LRRIQ3: variants seen among roughly 807,000 people sequenced by gnomAD.
The protein encoded by LRRIQ3 is leucine rich repeats and IQ motif containing 3.
In LRRIQ3, 75 loss-of-function variants were observed where a neutral mutation model predicts 59.3. That is an observed-to-expected ratio of 1.26 (90% confidence interval 1.05 to 1.53). LRRIQ3 has a LOEUF of 1.53. LRRIQ3 is among the 40% of genes most tolerant of loss of function. The probability of loss-of-function intolerance (pLI) is 0.00; values close to 1 mark genes in which losing one functional copy is unlikely to be tolerated. For synonymous variants in LRRIQ3, 250 were observed against 231.3 expected, an observed-to-expected ratio of 1.08 and a Z score of -0.73; for missense variants, 831 against 710.0, an observed-to-expected ratio of 1.17 and a Z score of -1.94.
intron 3 of LRRIQ3, among the ~76,000 whole-genome samples, chr1:74,165,836 C>A (rs1213926877): frequency 6.6e-6 from 1 of 151,410 alleles, no homozygotes; most frequent in Non-Finnish European, 1.5e-5. Context: ...GGTATGACAT[C>A]TCTTCTTTAG....
chr1:74,130,780 GA>G (rs1229772955), intron 4 of LRRIQ3, among the ~76,000 whole-genome samples: 1 of 152,028 alleles, frequency 6.6e-6, no homozygotes, highest in Non-Finnish European at 1.5e-5. Context: ...GAGAAAGCAG[GA>G]AAGATCTAAA....
intron 4 of LRRIQ3, among the ~76,000 whole-genome samples, chr1:74,134,399 G>A (rs557745614): frequency 6.6e-6 from 1 of 152,100 alleles, no homozygotes. Flanking sequence ...CTATGGCATA[G>A]CAGACTGAGA....
intron 3 of LRRIQ3, among the ~76,000 whole-genome samples, chr1:74,176,669 G>C (rs1476259455): frequency 6.6e-6 from 1 of 151,922 alleles, no homozygotes; most frequent in Non-Finnish European, 1.5e-5. Context: ...GTTTATGTAG[G>C]GGTTATAGCT....
intron 3 of LRRIQ3, among the ~76,000 whole-genome samples, chr1:74,173,550 T>A (rs961891173): frequency 2.0e-5 from 3 of 152,002 alleles, no homozygotes; most frequent in Non-Finnish European, 2.9e-5. Context: ...GAGGTTTGTA[T>A]CAAACCTCTT....
chr1:74,101,269 G>T lies in LRRIQ3; in HGVS notation c.867+8125C>A, dbSNP rs141194693. ...CAATGGATATGAACAAACACTTCTC[G>T]AAAGAAGACATTTATGCAGCCAATA... On this transcript the variant is annotated intron_variant, in intron 5 of 7. Coordinates refer to ENST00000354431, the MANE Select transcript of LRRIQ3 (RefSeq NM_001105659.2). Among the ~76,000 whole-genome samples the T allele has an allele frequency of 3.9e-3, 585 of 151,946 alleles. 7 individuals carry two copies. Among genetic ancestry groups the T allele is most frequent in the East Asian group, 5.0e-3 (26 of 5,154 alleles).
At chr1:74,159,395 T>G (rs542722187) in intron 3 of LRRIQ3, among the ~76,000 whole-genome samples, 1 of 152,268 alleles carries the variant, frequency 6.6e-6, no homozygotes, top group East Asian at 1.9e-4. Context: ...TAACTGGCAT[T>G]TGATTATCAA....
intron 7 of LRRIQ3, among the ~76,000 whole-genome samples, chr1:74,032,757 A>T (rs1332013798): frequency 6.6e-6 from 1 of 151,978 alleles, no homozygotes; most frequent in Non-Finnish European, 1.5e-5. Context: ...TCATATTCAT[A>T]GTCCTGGGAA....
At chr1:74,146,131 G>A (rs1647552138) in intron 4 of LRRIQ3, among the ~76,000 whole-genome samples, 1 of 152,032 alleles carries the variant, frequency 6.6e-6, no homozygotes, top group South Asian at 2.1e-4. Context: ...AAGTGTAGTA[G>A]GCTATATAAC....
At chr1:74,134,184 T>C (rs1647078632) in intron 4 of LRRIQ3, among the ~76,000 whole-genome samples, 1 of 152,012 alleles carries the variant, frequency 6.6e-6, no homozygotes, top group African/African-American at 2.4e-5. Context: ...ATTGTAAAAC[T>C]GAACAAAATT....
intron 6 of LRRIQ3, among the ~76,000 whole-genome samples, chr1:74,071,643 TTG>T (rs1655031682): frequency 6.6e-6 from 1 of 152,152 alleles, no homozygotes; most frequent in South Asian, 2.1e-4. Flanking sequence ...GATCTTTGAT[TTG>T]TGTCATTCTA....
At chr1:74,090,366 CTA>C (rs1055542140) in intron 5 of LRRIQ3, among the ~76,000 whole-genome samples, 1 of 151,112 alleles carries the variant, frequency 6.6e-6, no homozygotes, top group African/African-American at 2.4e-5. Context: ...GATGAGAAAA[CTA>C]TGAGAGAACT....
At chr1:74,174,196 G>A (rs1340742459) in intron 3 of LRRIQ3, among the ~76,000 whole-genome samples, 2 of 151,820 alleles carry the variant, frequency 1.3e-5, no homozygotes, top group Non-Finnish European at 2.9e-5. Flanking sequence ...GTCCCATAGA[G>A]TTTCTTCACA....
chr1:74,090,351 A>G (rs1646381290), intron 5 of LRRIQ3, among the ~76,000 whole-genome samples: 1 of 151,966 alleles, frequency 6.6e-6, no homozygotes, highest in Admixed American at 6.6e-5. Context: ...CTGAAGTGCT[A>G]GGAAGATGAG....
At chr1:74,177,320 A>C (rs1224460034) in intron 3 of LRRIQ3, among the ~76,000 whole-genome samples, 1 of 152,052 alleles carries the variant, frequency 6.6e-6, no homozygotes, top group Non-Finnish European at 1.5e-5. Flanking sequence ...ATTGGACTCC[A>C]AGTTCTTCAG....
intron 6 of LRRIQ3, among the ~76,000 whole-genome samples, chr1:74,065,965 T>C (rs1334411960): frequency 6.6e-6 from 1 of 152,078 alleles, no homozygotes; most frequent in African/African-American, 2.4e-5. Flanking sequence ...GGTGAGTGAA[T>C]CACCCGAGGT....
At chr1:74,194,422 T>C (rs1275492925) in intron 1 of LRRIQ3, among the ~76,000 whole-genome samples, 1 of 152,200 alleles carries the variant, frequency 6.6e-6, no homozygotes, top group Non-Finnish European at 1.5e-5. Context: ...TGGCATATTC[T>C]ATATGTTTTC....
intron 3 of LRRIQ3, among the ~76,000 whole-genome samples, chr1:74,173,073 A>G (rs965080025): frequency 6.6e-6 from 1 of 152,050 alleles, no homozygotes; most frequent in Non-Finnish European, 1.5e-5. Flanking sequence ...AGGCCGAGGC[A>G]GGTGGACCAC....
chr1:74,037,115 C>A (rs904771875), intron 7 of LRRIQ3, among the ~76,000 whole-genome samples: 1 of 152,004 alleles, frequency 6.6e-6, no homozygotes, highest in African/African-American at 2.4e-5. Flanking sequence ...TTGAGGTTCT[C>A]GCCTATTTTC....
chr1:74,090,020 A>G (rs1298448439), intron 5 of LRRIQ3, among the ~76,000 whole-genome samples: 1 of 152,054 alleles, frequency 6.6e-6, no homozygotes, highest in East Asian at 1.9e-4. Context: ...AAACTGTAAC[A>G]CTTTTTACTA....
Sources: allele counts gnomAD v4.1 joint callset (sites outside exome capture counted in the v4.1 genomes callset), GRCh38; gene constraint gnomAD v4.1.1; transcripts MANE v1.5; gene names NCBI Gene and HGNC (gene_info 2026-07-23, HGNC 2026-07-21).